ACAP2: variants seen among roughly 807,000 people sequenced by gnomAD.
ACAP2 encodes the protein arf-GAP with coiled-coil, ANK repeat and PH domain-containing protein 2.
ACAP2 carries 39 observed loss-of-function variants against 115.8 expected under a neutral mutation model. That is an observed-to-expected ratio of 0.34 (90% CI 0.26 to 0.44). The LOEUF (loss-of-function observed/expected upper bound fraction) is 0.44, where lower values mean the gene tolerates loss of function less well. ACAP2 is among the 20% of genes least tolerant of loss of function. The pLI is 1.00. For synonymous variants in ACAP2, 289 were observed against 315.8 expected (o/e 0.92, Z 0.90); for missense variants, 662 against 927.6 (o/e 0.71, Z 3.72).
chr3:195,434,925 C>CTGTGTGCCACCATGCCCAG (rs1197049629), intron 1 of ACAP2, among the ~76,000 whole-genome samples: 3 of 151,866 alleles, frequency 2.0e-5, no homozygotes, highest in Admixed American at 6.6e-5. Flanking sequence ...AGTGATGTGC[C>CTGTGTGCCACCATGCCCAG]CTCTTTCACT....
intron 4 of ACAP2, among the ~76,000 whole-genome samples, chr3:195,350,309 C>T (rs933138159): frequency 6.6e-6 from 1 of 152,114 alleles, no homozygotes; most frequent in African/African-American, 2.4e-5. Context: ...CTCATACTAC[C>T]TGATTTCAAG....
At chr3:195,420,875 C>G (rs1216961030) in intron 1 of ACAP2, among the ~76,000 whole-genome samples, 1 of 152,072 alleles carries the variant, frequency 6.6e-6, no homozygotes. Flanking sequence ...AACTCCTGAC[C>G]TCAAGTGATC....
chr3:195,409,255 T>C (rs2108806934), intron 1 of ACAP2, among the ~76,000 whole-genome samples: 1 of 152,222 alleles, frequency 6.6e-6, no homozygotes, highest in East Asian at 1.9e-4. Flanking sequence ...CAGGATATAG[T>C]CAACATACAA....
chr3:195,387,779 A>C (rs1449433319), intron 2 of ACAP2, among the ~76,000 whole-genome samples: 1 of 152,162 alleles, frequency 6.6e-6, no homozygotes, highest in Non-Finnish European at 1.5e-5. Context: ...TTTAAGGACA[A>C]TCTCTCTTCA....
intron 21 of ACAP2, 108 bp downstream of exon 21, chr3:195,289,013 A>G: frequency 1.4e-6 from 1 of 728,866 alleles, no homozygotes. Context: ...ACATGAGCAT[A>G]TGTGGATGTT....
intron 1 of ACAP2, chr3:195,411,048 G>T (rs752324975): frequency 2.8e-6 from 1 of 352,006 alleles, no homozygotes; most frequent in Non-Finnish European, 5.7e-6. Flanking sequence ...AAATTATCTA[G>T]TCAGTGCTAT....
chr3:195,278,450 A>G lies in ACAP2; in HGVS notation c.*878T>C, dbSNP rs1441228272. 6.6e-6 allele frequency: 1 copy of G among 152,208 alleles called. No individual in the cohort carries two copies. Among genetic ancestry groups the G allele is most frequent in the East Asian group, 1.9e-4 (1 of 5,206 alleles). The allele number at this position is 152,208 out of a possible 1,614,324, so 9.4% of individuals were successfully genotyped here. On this transcript the variant is annotated 3_prime_UTR_variant, in exon 23 of 23. Transcript: ENST00000326793. ...AATTTCAAATATAAAAATGGCCTACATGATTTTATAAATTGATTTTTCCTT... is the reference window on the plus strand; with the variant it reads ...AATTTCAAATATAAAAATGGCCTACGTGATTTTATAAATTGATTTTTCCTT...
chr3:195,385,762 G>GT (rs1187430090), intron 2 of ACAP2, among the ~76,000 whole-genome samples: 1 of 152,198 alleles, frequency 6.6e-6, no homozygotes, highest in Non-Finnish European at 1.5e-5. Context: ...AGCACCATCA[G>GT]TTGGTTTCAC....
rs192749133 is a variant in ACAP2, at chr3:195,295,454, A to C, written c.1672+254T>G. On this transcript the variant is annotated intron_variant, in intron 17 of 22. Transcript: ENST00000326793. ...AGGGCTTTTGAAATGTCAGGTTTAT[A>C]ATTCCCATCTCCCCTTGCATTTTAA... The C allele has an allele frequency of 5.4e-5, 30 of 552,286 alleles. 1 individual carries two copies. The Admixed American group carries it at 9.0e-4, about 17-fold the overall frequency. The allele number at this position is 552,286 out of a possible 1,614,324, so 34.2% of individuals were successfully genotyped here.
chr3:195,371,757 A>T (rs1041983464), intron 4 of ACAP2, among the ~76,000 whole-genome samples: 2 of 152,052 alleles, frequency 1.3e-5, no homozygotes, highest in Middle Eastern at 3.2e-3. Context: ...GGCTCAAGCA[A>T]TTGTCATGTC....
chr3:195,374,789 AC>A (rs1315437730), intron 4 of ACAP2, among the ~76,000 whole-genome samples: 3 of 151,840 alleles, frequency 2.0e-5, no homozygotes, highest in Non-Finnish European at 4.4e-5. Flanking sequence ...ATCTCGGCTC[AC>A]TACAAGCTCC....
Position 195,336,996 on chromosome 3 carries a change from G to A in ACAP2, c.529-20C>T. 6.2e-7 allele frequency: 1 copy of A among 1,604,968 alleles called. No individual in the cohort carries two copies. The highest frequency in any genetic ancestry group is 8.5e-7 in the Non-Finnish European group (1 of 1,174,950). The stretch of plus-strand genomic sequence containing the variant: ...ATTAATCTGAGGGAAAACACACGTG[G>A]TTAATCACCCATGCATTATTTTAAA... On this transcript the variant is annotated intron_variant, in intron 6 of 22. Transcript: ENST00000326793.
intron 16 of ACAP2, among the ~76,000 whole-genome samples, chr3:195,296,580 C>T (rs992849930): frequency 1.3e-5 from 2 of 152,142 alleles, no homozygotes; most frequent in Admixed American, 6.5e-5. Context: ...ATTGGTCATA[C>T]ATGAAGACTC....
intron 1 of ACAP2, among the ~76,000 whole-genome samples, chr3:195,438,666 T>C (rs1430687608): frequency 6.6e-6 from 1 of 151,634 alleles, no homozygotes; most frequent in Non-Finnish European, 1.5e-5. Flanking sequence ...AGTCCAGGAG[T>C]TGGAGAACAG....
At chr3:195,370,490 G>A (rs1733050109) in intron 4 of ACAP2, among the ~76,000 whole-genome samples, 3 of 152,214 alleles carry the variant, frequency 2.0e-5, no homozygotes, top group Non-Finnish European at 2.9e-5. Context: ...ACCATTTACT[G>A]AATAGGGAAG....
intron 22 of ACAP2, among the ~76,000 whole-genome samples, chr3:195,284,188 T>C (rs898783901): frequency 1.3e-5 from 2 of 152,282 alleles, no homozygotes; most frequent in Admixed American, 6.5e-5. Context: ...AAGTTAAAAA[T>C]GTCAGGGGGA....
chr3:195,378,251 G>C (rs1733699780), intron 4 of ACAP2, among the ~76,000 whole-genome samples: 1 of 152,216 alleles, frequency 6.6e-6, no homozygotes, highest in Non-Finnish European at 1.5e-5. Flanking sequence ...CCAGCACTTT[G>C]GGAGGCCAAG....
Position 195,426,999 on chromosome 3 carries a change from G to A in ACAP2, c.53+15796C>T, listed in dbSNP as rs558093376. 5.4e-5 allele frequency among the ~76,000 whole-genome samples: 8 copies of A among 149,472 alleles called. No homozygotes were observed. The South Asian group carries it at 1.3e-3, about 24-fold the overall frequency. On this transcript the variant is annotated intron_variant, in intron 1 of 22. Coordinates refer to ENST00000326793, the MANE Select transcript of ACAP2 (RefSeq NM_012287.6). ...AACCCGCAAATACGTTAGGTTACACGGCAAAGGGAAATTAAGGTTGCTATC... is the reference window on the plus strand; with the variant it reads ...AACCCGCAAATACGTTAGGTTACACAGCAAAGGGAAATTAAGGTTGCTATC...
intron 17 of ACAP2, 57 bp from the exon 18 acceptor site, chr3:195,294,868 T>C: frequency 8.7e-7 from 1 of 1,146,780 alleles, no homozygotes; most frequent in Non-Finnish European, 1.3e-6. Context: ...GAAAACAATC[T>C]CCCACAAACA....
Sources: allele counts gnomAD v4.1 joint callset (sites outside exome capture counted in the v4.1 genomes callset), GRCh38; gene constraint gnomAD v4.1.1; transcripts MANE v1.5; gene names NCBI Gene and HGNC (gene_info 2026-07-23, HGNC 2026-07-21).